The following INSC variants were observed in gnomAD, a reference collection of about 807,000 sequenced individuals.
INSC encodes protein inscuteable homolog.
A neutral mutation model predicts 58.6 loss-of-function variants in INSC; 67 were observed. The ratio of observed to expected loss-of-function variants is 1.14; its 90% CI spans 0.94 to 1.40. The LOEUF is 1.40. Among genes scored for constraint, INSC ranks in the 40% most tolerant of loss-of-function variants. The probability of loss-of-function intolerance (pLI) is 0.00; values close to 1 mark genes in which losing one functional copy is unlikely to be tolerated. For synonymous variants in INSC, 262 were observed against 276.1 expected (o/e 0.95, Z 0.51); for missense variants, 714 against 692.0 (o/e 1.03, Z -0.36).
intron 9 of INSC, among the ~76,000 whole-genome samples, chr11:15,228,613 G>A (rs1851730994): frequency 1.3e-5 from 2 of 152,192 alleles, no homozygotes; most frequent in Admixed American, 6.5e-5. Context: ...GATGAATTAG[G>A]CTTTGAAGTG....
At chr11:15,154,140 G>A (rs1022240653) in intron 2 of INSC, among the ~76,000 whole-genome samples, 1 of 152,220 alleles carries the variant, frequency 6.6e-6, no homozygotes, top group South Asian at 2.1e-4. Context: ...AAGGGCCTAA[G>A]GGCTAAATTC....
At chr11:15,175,008 G>A (rs368002639) in intron 2 of INSC, among the ~76,000 whole-genome samples, 223 of 152,242 alleles carry the variant, frequency 1.5e-3, no homozygotes, top group African/African-American at 5.0e-3. Flanking sequence ...ACTAATCTAT[G>A]TTCTCATGCT....
intron 5 of INSC, chr11:15,188,190 CT>C: frequency 1.0e-6 from 1 of 985,416 alleles, no homozygotes; most frequent in Non-Finnish European, 1.2e-6. Flanking sequence ...AAGGCCCCCA[CT>C]CACAAGCTCG....
At chr11:15,210,290 C>T (rs533493631) in intron 7 of INSC, among the ~76,000 whole-genome samples, 4 of 145,570 alleles carry the variant, frequency 2.7e-5, no homozygotes, top group Non-Finnish European at 6.0e-5. Context: ...CTGCTGGTAT[C>T]CTGTGGCATA....
intron 1 of INSC, among the ~76,000 whole-genome samples, chr11:15,140,647 T>C (rs139479518): frequency 7.2e-4 from 109 of 151,718 alleles, no homozygotes; most frequent in African/African-American, 1.5e-3. Context: ...GGCATAATCA[T>C]AGCTCACTGT....
intron 1 of INSC, among the ~76,000 whole-genome samples, chr11:15,141,728 A>T (rs1401669368): frequency 6.6e-6 from 1 of 152,090 alleles, no homozygotes; most frequent in African/African-American, 2.4e-5. Context: ...CACAGGTCAC[A>T]TAGAGGTCCA....
chr11:15,155,449 A>G (rs1848782921), intron 2 of INSC, among the ~76,000 whole-genome samples: 1 of 152,244 alleles, frequency 6.6e-6, no homozygotes, highest in Non-Finnish European at 1.5e-5. Context: ...ACAATTATTT[A>G]GTAAATCTTT....
chr11:15,230,013 A>ATATT (rs1491490993), intron 9 of INSC, among the ~76,000 whole-genome samples: 1 of 23,866 alleles, frequency 4.2e-5, no homozygotes, highest in African/African-American at 1.7e-4. Flanking sequence ...ATATATATAT[A>ATATT]ATATATATAT....
At chr11:15,196,665 C>T (rs11023469) in intron 6 of INSC, among the ~76,000 whole-genome samples, 3 of 151,984 alleles carry the variant, frequency 2.0e-5, no homozygotes, top group Non-Finnish European at 4.4e-5. Context: ...CTCTGATGAT[C>T]ATGGTTGTGA....
intron 6 of INSC, among the ~76,000 whole-genome samples, chr11:15,193,416 T>C (rs1390935502): frequency 6.6e-6 from 1 of 152,240 alleles, no homozygotes; most frequent in Non-Finnish European, 1.5e-5. Context: ...TTACTTTAGG[T>C]ATTTCTCCTA....
chr11:15,158,420 C>T (rs914614392), intron 2 of INSC, among the ~76,000 whole-genome samples: 1 of 151,944 alleles, frequency 6.6e-6, no homozygotes, highest in Non-Finnish European at 1.5e-5. Flanking sequence ...TGCCTCTGGG[C>T]CTTTGTACAT....
Position 15,176,101 on chromosome 11 carries a change from G to A in INSC, c.402+15G>A. 6.7e-7 allele frequency: 1 copy of A among 1,492,426 alleles called. No homozygotes were observed. Among genetic ancestry groups the A allele is most frequent in the South Asian group, 1.3e-5 (1 of 75,426 alleles). The allele number at this position is 1,492,426 out of a possible 1,614,324, so 92.4% of individuals were successfully genotyped here. A position where few individuals can be genotyped will look rare whatever the true frequency, so the allele number is the denominator to read the frequency against. ...AAATGGGCGAGGTCAGCTGCCCTGGGATAGGAGTGGGCGGGAACTGGAAGT... is the reference window on the plus strand; with the variant it reads ...AAATGGGCGAGGTCAGCTGCCCTGGAATAGGAGTGGGCGGGAACTGGAAGT... On this transcript the variant is annotated intron_variant, in intron 3 of 12. Transcript: ENST00000379556.
chr11:15,139,278 T>G (rs747860007), intron 1 of INSC, among the ~76,000 whole-genome samples: 1 of 152,210 alleles, frequency 6.6e-6, no homozygotes, highest in Non-Finnish European at 1.5e-5. Context: ...TTATGTCTAT[T>G]CGTGGCAGTC....
intron 9 of INSC, among the ~76,000 whole-genome samples, chr11:15,230,096 GGGA>G (rs1851869555): frequency 7.5e-6 from 1 of 134,176 alleles, no homozygotes; most frequent in East Asian, 2.0e-4. Flanking sequence ...AAGCTGAGGT[GGGA>G]GGATGGCTTG....
At chr11:15,216,884 G>T (rs1851239729) in intron 7 of INSC, among the ~76,000 whole-genome samples, 1 of 152,180 alleles carries the variant, frequency 6.6e-6, no homozygotes, top group South Asian at 2.1e-4. Flanking sequence ...GGAGGGGAGG[G>T]AATGATGGTG....
intron 5 of INSC, among the ~76,000 whole-genome samples, chr11:15,188,765 G>A (rs188421607): frequency 1.3e-5 from 2 of 152,346 alleles, no homozygotes; most frequent in Non-Finnish European, 2.9e-5. Flanking sequence ...ATTGTTTAAT[G>A]TAATGCTAAT....
intron 9 of INSC, among the ~76,000 whole-genome samples, 156 bp downstream of exon 9, chr11:15,225,984 A>G (rs969355835): frequency 9.9e-5 from 15 of 151,256 alleles, no homozygotes; most frequent in Non-Finnish European, 1.3e-4. Flanking sequence ...TTTCTCATTG[A>G]CTTTGTAGCC....
At chr11:15,245,878 C>G in intron 12 of INSC, 34 bp from the exon 13 acceptor site, 1 of 1,605,710 alleles carries the variant, frequency 6.2e-7, no homozygotes, top group Non-Finnish European at 8.5e-7. Context: ...ATGGCCCAGT[C>G]TGACACGTGT....
In INSC at chr11:15,225,745, C is replaced by T; in HGVS notation, c.1087C>T (p.Leu363Phe). The change falls in exon 9 of 13, where the codon CTC (leucine) becomes TTC (phenylalanine). Residue 363 changes from leucine (L) to phenylalanine (F), a missense_variant. By Grantham distance (22) the Leu-to-Phe change is conservative (BLOSUM62 0). Transcript: ENST00000379556. ...CTTTGACACAATGGCCTGCGAGATGCTCCTGCAGTTGAATGCCATCCGTGT... is the reference window on the plus strand; with the variant it reads ...CTTTGACACAATGGCCTGCGAGATGTTCCTGCAGTTGAATGCCATCCGTGT... ...TFFDTMACEM[L>F]LQLNAIRVLL... is the part of the protein sequence containing the mutation. 6.2e-7 allele frequency: 1 copy of T among 1,614,110 alleles called. No homozygotes were observed. Among genetic ancestry groups the T allele is most frequent in the Non-Finnish European group, 8.5e-7 (1 of 1,179,994 alleles).
Sources: gnomAD v4.1 joint callset for allele counts (sites outside exome capture counted in the v4.1 genomes callset) on GRCh38, gnomAD v4.1.1 for gene constraint, MANE v1.5 for transcripts, NCBI Gene and HGNC (gene_info 2026-07-23, HGNC 2026-07-21) for gene names.